ZNF850: variants seen among roughly 807,000 people sequenced by gnomAD.
ZNF850 encodes putative zinc finger protein ENSP00000330994.
Under a neutral mutation model 11.9 loss-of-function variants are expected in ZNF850, and 2 were observed. The observed-to-expected ratio is 0.17, with a 90% CI of 0.07 to 0.53. The LOEUF (loss-of-function observed/expected upper bound fraction) is 0.53. Among genes scored for constraint, ZNF850 ranks in the 20% least tolerant of loss-of-function variants. ZNF850 has a pLI of 0.94. For missense variants in ZNF850, 1,014 were observed against 1,316.4 expected (o/e 0.77, Z 3.55); for synonymous variants, 381 against 443.0 (o/e 0.86, Z 1.76).
At position 36,748,057 on chromosome 19, in the gene ZNF850, C is replaced by A; in HGVS notation, c.2983G>T (p.Glu995Ter). The change falls in exon 5 of 5, where the codon GAA becomes TAA. Residue 995 changes from glutamate to a stop codon, truncating the protein, a stop_gained. Transcript: ENST00000591344. LOFTEE classifies it low-confidence loss of function (END_TRUNC). ...TGAGTTCGCTGATGTCGAATTAGTT[C>A]TGAGCCGCAAGTAAAAGATTTCCCA... ...ECGKSFTCGS[E>*]LIRHQRTHTG... The A allele has an allele frequency of 6.4e-7, 1 of 1,569,380 alleles. No individual in the cohort carries two copies. The highest frequency in any genetic ancestry group is 8.6e-7 in the Non-Finnish European group (1 of 1,160,722).
At chr19:36,762,058 A>AAAG (rs1555811956) in intron 3 of ZNF850, among the ~76,000 whole-genome samples, 1 of 151,544 alleles carries the variant, frequency 6.6e-6, no homozygotes, top group Non-Finnish European at 1.5e-5. Flanking sequence ...AAAAAAAAAA[A>AAAG]AAAAGAAAAG....
intron 4 of ZNF850, 144 bp from the exon 5 acceptor site, chr19:36,750,948 C>G (rs1425030214): frequency 1.1e-6 from 1 of 904,720 alleles, no homozygotes; most frequent in East Asian, 2.7e-5. Flanking sequence ...TGCCTGTAAT[C>G]CCAGCGCTTT....
chr19:36,748,867 C>T lies in ZNF850; in HGVS notation c.2173G>A (p.Asp725Asn). 1.9e-6 allele frequency: 3 copies of T among 1,551,284 alleles called. No individual in the cohort carries two copies. The highest frequency in any genetic ancestry group is 1.7e-6 in the Non-Finnish European group (2 of 1,152,016). ...TCCTTACCATCATAGGGTTTCTCAT[C>T]AGTGTGATTTTGCTGATGTTGAATT... The part of the protein sequence containing the change: ...GLIQHQQNHT[D>N]EKPYDGKECG... Residue 725 changes from aspartate (D) to asparagine (N), a missense_variant, in exon 5 of 5, where the codon GAT becomes AAT. Around this residue, in one of 2 missense-constraint regions of ZNF850, gnomAD observed 835 missense variants for 1,022.0 expected, o/e 0.82. Transcript: ENST00000591344.
chr19:36,762,531 G>A (rs2145965920), intron 2 of ZNF850, 64 bp downstream of exon 2: 1 of 1,536,282 alleles, frequency 6.5e-7, no homozygotes, highest in Middle Eastern at 1.7e-4. Context: ...AGAATACAGT[G>A]AGCAGACCAG....
chr19:36,761,756 A>T lies in ZNF850; in HGVS notation c.140-18T>A. ...AGAGAGACCTGTTTATAAGAAAAGA[A>T]GTAAGATAGCCAGGCATGGTGGCTC... On this transcript the variant is annotated intron_variant, in intron 3 of 4. Transcript: ENST00000591344. 1.4e-6 allele frequency: 2 copies of T among 1,443,984 alleles called. No individual in the cohort carries two copies. Among genetic ancestry groups the T allele is most frequent in the Non-Finnish European group, 1.9e-6 (2 of 1,062,790 alleles). The allele number at this position is 1,443,984 out of a possible 1,614,324, so 89.4% of individuals were successfully genotyped here.
chr19:36,768,760 C>T (rs754650684), intron 1 of ZNF850, among the ~76,000 whole-genome samples: 26 of 151,510 alleles, frequency 1.7e-4, no homozygotes, highest in African/African-American at 5.3e-4. Flanking sequence ...CTCAGGAGTT[C>T]GAGACCAGAC....
In ZNF850 at chr19:36,750,096, C is replaced by A; in HGVS notation, c.944G>T (p.Gly315Val). 6.5e-7 allele frequency: 1 copy of A among 1,538,674 alleles called. No homozygotes were observed. Among genetic ancestry groups the A allele is most frequent in the African/African-American group, 1.4e-5 (1 of 73,146 alleles). The change falls in exon 5 of 5, where the codon GGA becomes GTA. Residue 315 changes from glycine to valine, a missense_variant. Physicochemically the swap from Gly to Val is moderately radical, Grantham distance 109 (BLOSUM62 -3). Transcript: ENST00000591344. The stretch of plus-strand genomic sequence containing the variant: ...TGTTGAGCCAACAGTAAAAGATTTT[C>A]CACATTGCTTACAATGATAGGGTTT... The part of the protein sequence containing the change: ...GEKPYHCKQC[G>V]KSFTVGSTLI...
chr19:36,759,572 A>G (rs1195935283), intron 4 of ZNF850, among the ~76,000 whole-genome samples: 4 of 152,218 alleles, frequency 2.6e-5, no homozygotes, highest in Non-Finnish European at 5.9e-5. Flanking sequence ...GGGAAGGTGC[A>G]GAGGTCAACA....
chr19:36,761,471 A>T (rs1005477560), intron 4 of ZNF850, among the ~76,000 whole-genome samples, 172 bp downstream of exon 4: 16 of 152,036 alleles, frequency 1.1e-4, no homozygotes, highest in African/African-American at 3.1e-4. Context: ...ATAAAATTTT[A>T]AAAAGTGTGT....
chr19:36,761,818 G>C (rs2040520152), intron 3 of ZNF850, 80 bp from the exon 4 acceptor site: 1 of 773,260 alleles, frequency 1.3e-6, no homozygotes, highest in Admixed American at 2.4e-5. Context: ...GACCAAAACA[G>C]GTGGATTGCT....
In ZNF850 at chr19:36,771,323, A is replaced by AG. The variant is rs200730787; in HGVS notation, c.-70+1401dup. ...GGCTGTCTTGAAGAAAGCACTACCC[A>AG]GCTTGGCCCTGGGACCTTAGCCCGG... is the stretch of plus-strand genomic sequence containing the variant. On this transcript the variant is annotated intron_variant, in intron 1 of 4. Transcript: ENST00000591344. 6.6e-3 allele frequency among the ~76,000 whole-genome samples: 998 copies of AG among 152,290 alleles called. 3 individuals are homozygous for AG. Among genetic ancestry groups the AG allele is most frequent in the Non-Finnish European group, 0.01 (699 of 68,028 alleles).
At chr19:36,768,994 C>T (rs368994313) in intron 1 of ZNF850, among the ~76,000 whole-genome samples, 4 of 150,078 alleles carry the variant, frequency 2.7e-5, no homozygotes, top group African/African-American at 9.8e-5. Flanking sequence ...GGTGTGGTGG[C>T]TCACACCTGT....
intron 4 of ZNF850, among the ~76,000 whole-genome samples, chr19:36,759,691 G>A (rs1394455845): frequency 6.6e-6 from 1 of 152,000 alleles, no homozygotes; most frequent in Non-Finnish European, 1.5e-5. Context: ...TTTTGTGTAT[G>A]TTCAAAGACC....
chr19:36,768,467 GCT>G (rs771562965), intron 1 of ZNF850, among the ~76,000 whole-genome samples: 1 of 152,040 alleles, frequency 6.6e-6, no homozygotes, highest in African/African-American at 2.4e-5. Context: ...AAATGCAATT[GCT>G]CTCTTTCAAA....
rs756394091 is a variant in ZNF850, at chr19:36,749,946, T to C, written c.1094A>G (p.Tyr365Cys). 2.5e-6 allele frequency: 4 copies of C among 1,569,894 alleles called. No homozygotes were observed. The highest frequency in any genetic ancestry group is 3.4e-6 in the Non-Finnish European group (4 of 1,159,908). Residue 365 changes from tyrosine to cysteine, a missense_variant, in exon 5 of 5, where the codon TAT becomes TGT. Coordinates refer to ENST00000591344, the MANE Select transcript of ZNF850 (RefSeq NM_001193552.2). ...AGATTTTCCACATTCCTTACAGTCA[T>C]AGGGTTTCTCACCAGTGTGAATTCG... ...HQRIHTGEKPYDCKECGKSFT... is the reference protein window; with the variant it reads ...HQRIHTGEKPCDCKECGKSFT...
In ZNF850 at chr19:36,749,138, T is replaced by A; in HGVS notation, c.1902A>T (p.Gln634His). Residue 634 changes from glutamine (Q) to histidine (H), a missense_variant, in exon 5 of 5, where the codon CAA becomes CAT. This residue lies in a region of ZNF850 where 835 missense variants were observed against 1,022.0 expected (regional missense o/e 0.82). Transcript: ENST00000591344. ...TCTCACCAGTATGGATTTGTTGATG[T>A]TGAGTAAGTCGTAAACGAAGTCTAA... is the stretch of plus-strand genomic sequence containing the variant. Reference protein sequence around the residue: ...KAFRLRLRLTQHQQIHTGEKP... With the variant: ...KAFRLRLRLTHHQQIHTGEKP... 6.2e-7 allele frequency: 1 copy of A among 1,604,082 alleles called. No individual in the cohort carries two copies. The highest frequency in any genetic ancestry group is 8.5e-7 in the Non-Finnish European group (1 of 1,176,814).
Position 36,748,979 on chromosome 19 carries a change from G to T in ZNF850, c.2061C>A (p.Tyr687Ter). The change falls in exon 5 of 5, where the codon TAC becomes TAA. Residue 687 changes from tyrosine (Y) to a stop codon, truncating the protein, a stop_gained. Transcript: ENST00000591344. LOFTEE classifies it low-confidence loss of function (END_TRUNC). ...TATGAATTCTCCGATGTTGATTAAG[G>T]TATGTACGCTGTCTAAAGGCCTTCC... ...DCGKAFRQRT[Y>*]LNQHRRIHTG... The T allele has an allele frequency of 6.2e-7, 1 of 1,601,014 alleles. No homozygotes were observed. Among genetic ancestry groups the T allele is most frequent in the Non-Finnish European group, 8.5e-7 (1 of 1,174,946 alleles).
At chr19:36,755,067 G>T (rs2040477653) in intron 4 of ZNF850, among the ~76,000 whole-genome samples, 1 of 152,144 alleles carries the variant, frequency 6.6e-6, no homozygotes, top group Non-Finnish European at 1.5e-5. Flanking sequence ...CGTGAAGTAA[G>T]TCTGAACACA....
In ZNF850 at chr19:36,749,136, T is replaced by G. The variant is rs1231088061; in HGVS notation, c.1904A>C (p.His635Pro). Residue 635 changes from histidine to proline, a missense_variant, in exon 5 of 5, where the codon CAT becomes CCT. Transcript: ENST00000591344. ...AFRLRLRLTQ[H>P]QQIHTGEKPY... ...TTTCTCACCAGTATGGATTTGTTGA[T>G]GTTGAGTAAGTCGTAAACGAAGTCT... The G allele has an allele frequency of 2.1e-5, 34 of 1,603,996 alleles. No homozygotes were observed. The highest frequency in any genetic ancestry group is 2.8e-5 in the Non-Finnish European group (33 of 1,176,788).
Sources: allele counts gnomAD v4.1 joint callset (sites outside exome capture counted in the v4.1 genomes callset), GRCh38; gene constraint gnomAD v4.1.1; regional missense constraint gnomAD v4.1.1; transcripts MANE v1.5; gene names NCBI Gene and HGNC (gene_info 2026-07-23, HGNC 2026-07-21).